ATP13A5: variants seen among roughly 807,000 people sequenced by gnomAD.
ATP13A5 encodes the protein ATPase 13A5.
In ATP13A5, 149 loss-of-function variants were observed where a neutral mutation model predicts 150.2. The ratio of observed to expected loss-of-function variants is 0.99; its 90% CI spans 0.87 to 1.14. The LOEUF (loss-of-function observed/expected upper bound fraction) is 1.14. Among genes scored for constraint, ATP13A5 ranks in the 50% most tolerant of loss-of-function variants. ATP13A5 has a pLI of 0.00. For missense variants in ATP13A5, 1,383 were observed against 1,449.3 expected (o/e 0.95, Z 0.74); for synonymous variants, 497 against 522.2 (o/e 0.95, Z 0.66).
At chr3:193,289,788 T>TA in intron 26 of ATP13A5, 97 bp downstream of exon 26, 1 of 1,203,444 alleles carries the variant, frequency 8.3e-7, no homozygotes, top group Non-Finnish European at 1.1e-6. Flanking sequence ...TTTGATTAAT[T>TA]AAAAGTTTTA....
intron 23 of ATP13A5, among the ~76,000 whole-genome samples, chr3:193,303,443 A>G (rs897848576): frequency 6.6e-6 from 1 of 152,098 alleles, no homozygotes; most frequent in African/African-American, 2.4e-5. Flanking sequence ...TTGTATATAT[A>G]TAATTTTGTG....
chr3:193,358,703 A>G (rs1712886500), intron 5 of ATP13A5, among the ~76,000 whole-genome samples: 1 of 152,170 alleles, frequency 6.6e-6, no homozygotes, highest in Admixed American at 6.5e-5. Flanking sequence ...AAACTCGAGA[A>G]GTTGGGCTCT....
chr3:193,311,913 G>A lies in ATP13A5; in HGVS notation c.2348C>T (p.Ser783Leu), dbSNP rs1390039197. 3.7e-6 allele frequency: 6 copies of A among 1,613,748 alleles called. No individual in the cohort carries two copies. The highest frequency in any genetic ancestry group is 3.3e-5 in the Admixed American group (2 of 59,978). Residue 783 changes from serine (S) to leucine (L), a missense_variant, in exon 20 of 30, where the codon TCA becomes TTA. Physicochemically the swap from Ser to Leu is moderately radical, Grantham distance 145. Around this residue, in one of 3 missense-constraint regions of ATP13A5, gnomAD observed 568 missense variants for 621.5 expected, o/e 0.91. Coordinates refer to ENST00000342358, the MANE Select transcript of ATP13A5 (RefSeq NM_198505.4). Reference protein sequence around the residue: ...KEIYMHTGNSSTPRGEGGSCY... With the variant: ...KEIYMHTGNSLTPRGEGGSCY... ...GCTTCCTCCTTCCCCACGAGGGGTTGAACTGTTTCCAGTATGCATGTAGAT... is the reference window on the plus strand; with the variant it reads ...GCTTCCTCCTTCCCCACGAGGGGTTAAACTGTTTCCAGTATGCATGTAGAT...
At position 193,284,963 on chromosome 3, in the gene ATP13A5, T is replaced by C; in HGVS notation, c.3177A>G (p.Ala1059=). ...ATGGCTTTCCCTTAGAAAAGATGAA[T>C]GCTACTGTGATATAGTTGATGGTGG... The part of the protein sequence containing the change: ...PITTINYITV[A]FIFSKGKPFR... Residue 1059 remains alanine, a synonymous_variant, in exon 27 of 30, where the codon GCA becomes GCG. Transcript: ENST00000342358. 2 of 1,614,086 alleles carry C rather than the reference T, an allele frequency of 1.2e-6. No individual in the cohort carries two copies. The highest frequency in any genetic ancestry group is 1.7e-6 in the Non-Finnish European group (2 of 1,179,946).
In ATP13A5 at chr3:193,310,594, C is replaced by A. The variant is rs760621609; in HGVS notation, c.2525+44G>T. ...ACCTGAATTATTGACCCATAGGTAG[C>A]AAGAGTTAATGAGCACACTCTTCTT... On this transcript the variant is annotated intron_variant, in intron 21 of 29. Coordinates refer to ENST00000342358, the MANE Select transcript of ATP13A5 (RefSeq NM_198505.4). 1.4e-4 allele frequency: 204 copies of A among 1,454,992 alleles called. 4 individuals are homozygous for A. The highest frequency in any genetic ancestry group is 1.2e-3 in the South Asian group (98 of 80,184). 90.1% of individuals were successfully genotyped at this position (1,454,992 alleles called of 1,614,324 possible). A position where few individuals can be genotyped will look rare whatever the true frequency, so the allele number is the denominator to read the frequency against.
intron 5 of ATP13A5, among the ~76,000 whole-genome samples, chr3:193,356,339 C>T (rs6794754): frequency 0.12 from 18,527 of 152,038 alleles, 1,401 homozygotes; most frequent in Non-Finnish European, 0.16. Context: ...CGATACATTC[C>T]GAATGCCTAA....
At chr3:193,366,050 C>T (rs748169156) in intron 1 of ATP13A5, among the ~76,000 whole-genome samples, 81 of 152,104 alleles carry the variant, frequency 5.3e-4, no homozygotes, top group Non-Finnish European at 9.7e-4. Context: ...GCATATACAA[C>T]GTTCAGTGCA....
intron 26 of ATP13A5, among the ~76,000 whole-genome samples, chr3:193,285,836 G>A (rs956560065): frequency 5.3e-5 from 8 of 152,092 alleles, no homozygotes; most frequent in African/African-American, 1.9e-4. Context: ...CTGGCAAGTG[G>A]TACTAGTGCC....
At chr3:193,286,981 A>G (rs1482899717) in intron 26 of ATP13A5, among the ~76,000 whole-genome samples, 1 of 152,104 alleles carries the variant, frequency 6.6e-6, no homozygotes, top group Non-Finnish European at 1.5e-5. Flanking sequence ...ATATGAAGAA[A>G]ATTTTAGTGG....
At chr3:193,367,329 A>G (rs1416728800) in intron 1 of ATP13A5, among the ~76,000 whole-genome samples, 2 of 152,104 alleles carry the variant, frequency 1.3e-5, no homozygotes, top group Admixed American at 6.6e-5. Flanking sequence ...TTTATTACAG[A>G]AAATTAATAT....
chr3:193,371,963 G>A lies in ATP13A5; in HGVS notation c.63+6700C>T, dbSNP rs113614281. ...CTAGAGGGGATTATACAACAGGAAC[G>A]GTGATCACAGGGGTGTCATGTTAAG... On this transcript the variant is annotated intron_variant, in intron 1 of 29. Coordinates refer to ENST00000342358, the MANE Select transcript of ATP13A5 (RefSeq NM_198505.4). Among the ~76,000 whole-genome samples, 280 of 152,106 alleles carry A rather than the reference G, an allele frequency of 1.8e-3. 1 individual carries two copies. The highest frequency in any genetic ancestry group is 3.2e-3 in the Non-Finnish European group (217 of 67,996).
Position 193,378,681 on chromosome 3 carries a change from C to T in ATP13A5, c.45G>A (p.Gln15=). Residue 15 remains glutamine (Q), a synonymous_variant, in exon 1 of 30, where the codon CAG becomes CAA. Coordinates refer to ENST00000342358, the MANE Select transcript of ATP13A5 (RefSeq NM_198505.4). ...SKKDHRALLN[Q]GEEDELEVFG... is the part of the protein sequence containing the mutation. The stretch of plus-strand genomic sequence containing the variant: ...GACTCACCAGTTCATCCTCCTCTCC[C>T]TGGTTGAGCAAAGCCCGATGGTCCT... 6.2e-7 allele frequency: 1 copy of T among 1,613,964 alleles called. No homozygotes were observed. Among genetic ancestry groups the T allele is most frequent in the Non-Finnish European group, 8.5e-7 (1 of 1,179,834 alleles).
At chr3:193,314,663 G>T (rs113778857) in intron 18 of ATP13A5, among the ~76,000 whole-genome samples, 2 of 152,212 alleles carry the variant, frequency 1.3e-5, no homozygotes, top group African/African-American at 4.8e-5. Context: ...TATGCAGAGG[G>T]ATCACTGGGT....
At chr3:193,299,727 G>A (rs1242369210) in intron 24 of ATP13A5, among the ~76,000 whole-genome samples, 1 of 152,024 alleles carries the variant, frequency 6.6e-6, no homozygotes, top group Non-Finnish European at 1.5e-5. Flanking sequence ...CCTTTTTAAG[G>A]TTTGTGTAGA....
intron 5 of ATP13A5, among the ~76,000 whole-genome samples, chr3:193,358,359 A>G (rs1215665419): frequency 6.6e-6 from 1 of 152,208 alleles, no homozygotes; most frequent in East Asian, 1.9e-4. Context: ...AAGACCTAAG[A>G]TATTCACAGA....
chr3:193,351,149 G>A lies in ATP13A5; in HGVS notation c.659C>T (p.Ser220Phe). ...FQAFTLTLWL[S>F]QGYIEYSVAI... is the part of the protein sequence containing the mutation. ...CACAGAGTATTCTATGTAACCTTGAGACAGCCACAAAGTTAGGGTGAAGGC... is the reference window on the plus strand; with the variant it reads ...CACAGAGTATTCTATGTAACCTTGAAACAGCCACAAAGTTAGGGTGAAGGC... The change falls in exon 7 of 30, where the codon TCT becomes TTT. Residue 220 changes from serine (S) to phenylalanine (F), a missense_variant. Transcript: ENST00000342358. 1 of 1,613,812 alleles carries A rather than the reference G, an allele frequency of 6.2e-7. No individual in the cohort carries two copies. Among genetic ancestry groups the A allele is most frequent in the African/African-American group, 1.3e-5 (1 of 75,028 alleles).
intron 1 of ATP13A5, among the ~76,000 whole-genome samples, chr3:193,372,876 T>C (rs1193663933): frequency 1.3e-5 from 2 of 152,216 alleles, no homozygotes; most frequent in Non-Finnish European, 2.9e-5. Flanking sequence ...GTCACCTATA[T>C]TGTTGTTCTT....
At chr3:193,334,002 G>A in intron 10 of ATP13A5, 95 bp from the exon 11 acceptor site, 4 of 1,146,846 alleles carry the variant, frequency 3.5e-6, no homozygotes, top group Non-Finnish European at 5.0e-6. Flanking sequence ...AGAGTAGAGT[G>A]TCCTCTAACC....
intron 9 of ATP13A5, among the ~76,000 whole-genome samples, chr3:193,339,075 G>A (rs1479717429): frequency 1.3e-5 from 2 of 151,390 alleles, no homozygotes; most frequent in Non-Finnish European, 2.9e-5. Flanking sequence ...GGGATTGGTG[G>A]TGATATCCCC....
Sources: allele counts gnomAD v4.1 joint callset (sites outside exome capture counted in the v4.1 genomes callset), GRCh38; gene constraint gnomAD v4.1.1; regional missense constraint gnomAD v4.1.1; transcripts MANE v1.5; gene names NCBI Gene and HGNC (gene_info 2026-07-23, HGNC 2026-07-21).